Variants in MYT1L observed in about 807,000 individuals in gnomAD.
The protein encoded by MYT1L is myelin transcription factor 1 like.
A neutral mutation model predicts 126.7 loss-of-function variants in MYT1L; 12 were observed. The ratio of observed to expected loss-of-function variants is 0.09; its 90% CI spans 0.06 to 0.15. The LOEUF is 0.15. MYT1L is among the 10% of genes least tolerant of loss of function. The pLI is 1.00. For synonymous variants in MYT1L, 541 were observed against 604.2 expected (o/e 0.90, Z 1.53); for missense variants, 979 against 1,585.2 (o/e 0.62, Z 6.49).
intron 3 of MYT1L, among the ~76,000 whole-genome samples, chr2:2,104,602 T>A (rs1217898652): frequency 1.3e-5 from 2 of 152,252 alleles, no homozygotes; most frequent in East Asian, 3.9e-4. Context: ...ATCCCTGACC[T>A]TTATGGTCTC....
At chr2:2,168,476 C>A (rs1431506414) in intron 3 of MYT1L, among the ~76,000 whole-genome samples, 1 of 152,188 alleles carries the variant, frequency 6.6e-6, no homozygotes, top group Admixed American at 6.6e-5. Flanking sequence ...TGCACATCAG[C>A]TGTTTCTAAA....
At chr2:1,899,572 C>T (rs1331192871) in intron 14 of MYT1L, among the ~76,000 whole-genome samples, 1 of 152,212 alleles carries the variant, frequency 6.6e-6, no homozygotes, top group East Asian at 1.9e-4. Flanking sequence ...GCCCCTTCCT[C>T]AGCAGCCCCC....
intron 2 of MYT1L, among the ~76,000 whole-genome samples, chr2:2,184,652 C>T (rs2091923847): frequency 6.6e-6 from 1 of 152,190 alleles, no homozygotes; most frequent in African/African-American, 2.4e-5. Context: ...ACCTCCTCTT[C>T]CCGCCTAAGC....
intron 18 of MYT1L, 160 bp downstream of exon 18, chr2:1,886,379 G>T (rs531250630): frequency 8.2e-5 from 39 of 474,004 alleles, no homozygotes; most frequent in African/African-American, 7.6e-4. Flanking sequence ...AAAAGTGGCT[G>T]AAATTCCGAG....
At position 1,889,918 on chromosome 2, in the gene MYT1L, ATG is replaced by A. The variant is rs532406263; in HGVS notation, c.2284-443_2284-442del. 4.1e-4 allele frequency among the ~76,000 whole-genome samples: 63 copies of A among 152,076 alleles called. No individual in the cohort carries two copies. The highest frequency in any genetic ancestry group is 1.2e-3 in the African/African-American group (51 of 41,490). ...CATGTGTGCATATACATGTATGTGC[ATG>A]TGTGTGTGTGTATAAACACACATAT... On this transcript the variant is annotated intron_variant, in intron 15 of 24. Transcript: ENST00000647738. The surrounding 1 kb of genome is among the most constrained non-coding windows in gnomAD (Gnocchi z 4.1).
intron 2 of MYT1L, among the ~76,000 whole-genome samples, chr2:2,218,961 A>G (rs1380668366): frequency 6.6e-6 from 1 of 152,214 alleles, no homozygotes; most frequent in African/African-American, 2.4e-5. Context: ...AGAGCCTTTC[A>G]TTCCATCATT....
chr2:1,849,569 C>A (rs772149279), intron 19 of MYT1L, among the ~76,000 whole-genome samples: 1 of 152,220 alleles, frequency 6.6e-6, no homozygotes, highest in African/African-American at 2.4e-5. Flanking sequence ...GGGGTGGATG[C>A]TCCTGGCATC....
intron 8 of MYT1L, among the ~76,000 whole-genome samples, chr2:1,953,637 G>A (rs1039098338): frequency 2.0e-5 from 3 of 152,196 alleles, no homozygotes; most frequent in African/African-American, 7.2e-5. Flanking sequence ...GGTTTTAGAG[G>A]CTTTGCCATC....
chr2:2,140,171 A>G (rs1241967694), intron 3 of MYT1L, among the ~76,000 whole-genome samples: 1 of 152,212 alleles, frequency 6.6e-6, no homozygotes, highest in Non-Finnish European at 1.5e-5. Flanking sequence ...AAAGTTGTTG[A>G]CATACATTGA....
chr2:1,842,466 A>T (rs2041864316), intron 19 of MYT1L: 1 of 152,240 alleles, frequency 6.6e-6, no homozygotes, highest in Admixed American at 6.6e-5. Flanking sequence ...CGCTCTTCAC[A>T]GGAAGAGGAA....
chr2:1,937,426 T>A, intron 9 of MYT1L, among the ~76,000 whole-genome samples: 1 of 150,342 alleles, frequency 6.7e-6, no homozygotes, highest in East Asian at 2.0e-4. Context: ...TCTGCGGCCA[T>A]CAGATCGTAC....
chr2:2,176,603 A>G (rs2090821235), intron 2 of MYT1L, among the ~76,000 whole-genome samples: 1 of 150,512 alleles, frequency 6.6e-6, no homozygotes, highest in African/African-American at 2.5e-5. Context: ...TGTTCAAGTG[A>G]TTCTCCTGCT....
chr2:2,270,380 T>C (rs2095239088), intron 2 of MYT1L, among the ~76,000 whole-genome samples: 2 of 152,204 alleles, frequency 1.3e-5, no homozygotes, highest in South Asian at 2.1e-4. Flanking sequence ...CCTTTAGTCA[T>C]GAGCTTGCTG....
At chr2:1,915,016 C>T (rs1864880) in intron 11 of MYT1L, among the ~76,000 whole-genome samples, 8,075 of 152,042 alleles carry the variant, frequency 0.053, 534 homozygotes, top group African/African-American at 0.16. Context: ...CCCCACCGTG[C>T]AGAGCCCCGG....
intron 4 of MYT1L, among the ~76,000 whole-genome samples, chr2:2,009,364 C>A (rs1180563368): frequency 6.6e-6 from 1 of 151,790 alleles, no homozygotes; most frequent in Non-Finnish European, 1.5e-5. Context: ...TTTATTTGTG[C>A]CTTTTTCCAT....
chr2:1,880,639 G>A (rs773043602), intron 18 of MYT1L, among the ~76,000 whole-genome samples: 2 of 152,216 alleles, frequency 1.3e-5, no homozygotes, highest in Non-Finnish European at 2.9e-5. Flanking sequence ...GTTGTCAGTG[G>A]TAACAGGTAT....
chr2:1,939,171 G>A (rs766041467), intron 9 of MYT1L, among the ~76,000 whole-genome samples: 2 of 152,214 alleles, frequency 1.3e-5, no homozygotes, highest in South Asian at 2.1e-4. Flanking sequence ...CAGGATGGGC[G>A]CGGGAGTCAC....
chr2:1,817,294 G>A (rs1012976704), intron 21 of MYT1L, among the ~76,000 whole-genome samples: 16 of 152,182 alleles, frequency 1.1e-4, no homozygotes, highest in African/African-American at 3.6e-4. Context: ...CACCGGTGCA[G>A]GGAGGCAAGT....
chr2:2,031,480 G>A (rs1347254494), intron 4 of MYT1L, among the ~76,000 whole-genome samples: 1 of 142,656 alleles, frequency 7.0e-6, no homozygotes, highest in Non-Finnish European at 1.5e-5. Flanking sequence ...CTCATCCTGT[G>A]GCCCAAAGCA....
Sources: allele counts gnomAD v4.1 joint callset (sites outside exome capture counted in the v4.1 genomes callset), GRCh38; gene constraint gnomAD v4.1.1; non-coding constraint Gnocchi (gnomAD v3.1); transcripts MANE v1.5; gene names NCBI Gene and HGNC (gene_info 2026-07-23, HGNC 2026-07-21).